The following DLG2 variants were observed in gnomAD, a reference collection of about 807,000 sequenced individuals.
DLG2 encodes discs large MAGUK scaffold protein 2.
DLG2 carries 45 observed loss-of-function variants against 132.5 expected under a neutral mutation model. The observed-to-expected ratio is 0.34, with a 90% CI of 0.27 to 0.44. The LOEUF is 0.44. DLG2 is among the 20% of genes least tolerant of loss of function. DLG2 has a pLI of 1.00. For missense variants in DLG2, 1,045 were observed against 1,196.9 expected, an observed-to-expected ratio of 0.87 and a Z score of 1.87; for synonymous variants, 424 against 419.6, an observed-to-expected ratio of 1.01 and a Z score of -0.13.
intron 6 of DLG2, among the ~76,000 whole-genome samples, chr11:84,993,475 TGCAGGAGCAA>T (rs1252587502): frequency 6.6e-6 from 1 of 152,212 alleles, no homozygotes; most frequent in Non-Finnish European, 1.5e-5. Flanking sequence ...AGAGTGTCTT[TGCAGGAGCAA>T]GAAAGATTAG....
At chr11:84,913,919 T>C (rs915704351) in intron 6 of DLG2, among the ~76,000 whole-genome samples, 1 of 152,212 alleles carries the variant, frequency 6.6e-6, no homozygotes, top group African/African-American at 2.4e-5. Flanking sequence ...AGGGCTCTTT[T>C]ATTTGCGCCA....
chr11:84,842,981 T>C (rs1375597743), intron 6 of DLG2, among the ~76,000 whole-genome samples: 1 of 151,996 alleles, frequency 6.6e-6, no homozygotes, highest in East Asian at 1.9e-4. Flanking sequence ...CTTGACTTCA[T>C]AGTAAGAACA....
At chr11:85,354,825 T>A (rs2083567467) in intron 3 of DLG2, among the ~76,000 whole-genome samples, 1 of 151,954 alleles carries the variant, frequency 6.6e-6, no homozygotes, top group African/African-American at 2.4e-5. Flanking sequence ...CTTTTTTGGC[T>A]GGTCTTCCCC....
intron 6 of DLG2, among the ~76,000 whole-genome samples, chr11:84,882,569 T>A (rs2154055373): frequency 6.6e-6 from 1 of 152,152 alleles, no homozygotes; most frequent in African/African-American, 2.4e-5. Flanking sequence ...GTCATGGAGA[T>A]AAGAGAAATA....
chr11:83,487,107 C>G (rs899131176), intron 21 of DLG2, among the ~76,000 whole-genome samples: 2 of 151,960 alleles, frequency 1.3e-5, no homozygotes, highest in African/African-American at 2.4e-5. Flanking sequence ...GATTTACAGC[C>G]CTATTCTCAA....
At chr11:85,500,990 G>C (rs576384055) in intron 3 of DLG2, among the ~76,000 whole-genome samples, 40 of 152,304 alleles carry the variant, frequency 2.6e-4, no homozygotes, top group African/African-American at 9.4e-4. Context: ...AACAAAGCTG[G>C]AGGCATCACA....
intron 16 of DLG2, among the ~76,000 whole-genome samples, chr11:83,847,638 T>C (rs1004130065): frequency 2.6e-5 from 4 of 152,182 alleles, no homozygotes; most frequent in Non-Finnish European, 4.4e-5. Flanking sequence ...GTTTCCATAT[T>C]GTATAACTAG....
intron 7 of DLG2, among the ~76,000 whole-genome samples, chr11:84,336,052 T>A (rs1180858950): frequency 6.6e-6 from 1 of 152,206 alleles, no homozygotes; most frequent in Non-Finnish European, 1.5e-5. Context: ...GCAATTCAAA[T>A]AGCTTCTTTC....
chr11:83,562,398 T>A (rs2096627094), intron 19 of DLG2, among the ~76,000 whole-genome samples: 1 of 151,986 alleles, frequency 6.6e-6, no homozygotes, highest in Admixed American at 6.6e-5. Flanking sequence ...TAACTGACCC[T>A]GTGATGCCCT....
intron 6 of DLG2, among the ~76,000 whole-genome samples, chr11:84,740,881 A>C (rs1171241092): frequency 6.6e-6 from 1 of 152,026 alleles, no homozygotes; most frequent in Non-Finnish European, 1.5e-5. Context: ...CAAAATGGCT[A>C]TCAGGCCATG....
At chr11:85,259,634 T>A (rs562891843) in intron 4 of DLG2, among the ~76,000 whole-genome samples, 4 of 151,866 alleles carry the variant, frequency 2.6e-5, no homozygotes, top group African/African-American at 7.2e-5. Context: ...TCCCAGCTCT[T>A]CTGCTTGCTT....
intron 5 of DLG2, among the ~76,000 whole-genome samples, chr11:85,136,325 T>C (rs2076144544): frequency 6.6e-6 from 1 of 152,210 alleles, no homozygotes; most frequent in Non-Finnish European, 1.5e-5. Flanking sequence ...ACATAACATT[T>C]TGAAGTGTAG....
intron 9 of DLG2, among the ~76,000 whole-genome samples, chr11:84,151,549 C>G (rs2095293904): frequency 6.6e-6 from 1 of 152,008 alleles, no homozygotes; most frequent in Non-Finnish European, 1.5e-5. Flanking sequence ...TGATTTTATT[C>G]ACTTCTGCTC....
At chr11:84,553,569 T>C (rs1394881637) in intron 6 of DLG2, among the ~76,000 whole-genome samples, 1 of 152,134 alleles carries the variant, frequency 6.6e-6, no homozygotes, top group African/African-American at 2.4e-5. Flanking sequence ...CAGTCTACTC[T>C]TAAAGAACGG....
intron 19 of DLG2, among the ~76,000 whole-genome samples, chr11:83,603,074 G>A (rs556623866): frequency 6.6e-6 from 1 of 151,824 alleles, no homozygotes; most frequent in South Asian, 2.1e-4. Flanking sequence ...ATGTGTGTTC[G>A]TGTGTGTGTG....
At chr11:84,992,965 C>T (rs913342512) in intron 6 of DLG2, among the ~76,000 whole-genome samples, 2 of 152,152 alleles carry the variant, frequency 1.3e-5, no homozygotes, top group African/African-American at 4.8e-5. Context: ...ACTGTACAGA[C>T]ACCTGCACAC....
At chr11:85,025,848 A>G (rs1467128177) in intron 6 of DLG2, among the ~76,000 whole-genome samples, 2 of 124,196 alleles carry the variant, frequency 1.6e-5, no homozygotes, top group Non-Finnish European at 3.4e-5. Context: ...AACTCAGTAT[A>G]TGATAAACAT....
intron 9 of DLG2, among the ~76,000 whole-genome samples, chr11:84,145,030 C>G (rs1474794676): frequency 6.6e-6 from 1 of 152,148 alleles, no homozygotes. Context: ...GTAACTCCAT[C>G]AGATCCTAAA....
intron 7 of DLG2, among the ~76,000 whole-genome samples, chr11:84,352,636 C>T (rs1281291284): frequency 6.6e-6 from 1 of 152,114 alleles, no homozygotes; most frequent in East Asian, 1.9e-4. Flanking sequence ...TGCTTATCTG[C>T]TGGCTCAATT....
Sources: gnomAD v4.1 joint callset for allele counts (sites outside exome capture counted in the v4.1 genomes callset) on GRCh38, gnomAD v4.1.1 for gene constraint, MANE v1.5 for transcripts, NCBI Gene and HGNC (gene_info 2026-07-23, HGNC 2026-07-21) for gene names.